The following SIK2 variants were observed in gnomAD, a reference collection of about 807,000 sequenced individuals.
The protein encoded by SIK2 is serine/threonine-protein kinase SIK2.
A neutral mutation model predicts 103.2 loss-of-function variants in SIK2; 29 were observed. The ratio of observed to expected loss-of-function variants is 0.28; its 90% CI spans 0.21 to 0.38. SIK2 has a LOEUF of 0.38. Among genes scored for constraint, SIK2 ranks in the 10% least tolerant of loss-of-function variants. The pLI, the probability that SIK2 is intolerant of heterozygous loss-of-function variation, is 1.00. For synonymous variants in SIK2, 412 were observed against 446.1 expected, an observed-to-expected ratio of 0.92 and a Z score of 0.96; for missense variants, 879 against 1,171.0, an observed-to-expected ratio of 0.75 and a Z score of 3.64.
At chr11:111,622,444 C>T (rs1239432824) in intron 3 of SIK2, among the ~76,000 whole-genome samples, 4 of 151,562 alleles carry the variant, frequency 2.6e-5, no homozygotes, top group Middle Eastern at 3.4e-3. Context: ...TTAGTAGAGA[C>T]GGGGTTTCAC....
At chr11:111,633,453 A>T (rs1009449630) in intron 3 of SIK2, among the ~76,000 whole-genome samples, 19 of 152,170 alleles carry the variant, frequency 1.2e-4, no homozygotes, top group African/African-American at 4.6e-4. Flanking sequence ...GGCCTTGTAG[A>T]CCTTATTTAC....
chr11:111,618,035 C>T (rs971129542), intron 2 of SIK2, among the ~76,000 whole-genome samples: 1 of 152,074 alleles, frequency 6.6e-6, no homozygotes, highest in Non-Finnish European at 1.5e-5. Flanking sequence ...ACTACAAGTG[C>T]ATGACAGTGT....
At chr11:111,638,681 A>G (rs1942141967) in intron 3 of SIK2, among the ~76,000 whole-genome samples, 1 of 152,108 alleles carries the variant, frequency 6.6e-6, no homozygotes, top group Admixed American at 6.5e-5. Context: ...GATAGTAAAC[A>G]TATATATTTA....
chr11:111,714,921 T>C (rs902150893), intron 9 of SIK2, among the ~76,000 whole-genome samples: 1 of 152,218 alleles, frequency 6.6e-6, no homozygotes, highest in African/African-American at 2.4e-5. Flanking sequence ...ATTTTAAAGA[T>C]GTAATTCCCT....
intron 8 of SIK2, 150 bp from the exon 9 acceptor site, chr11:111,712,061 A>G (rs994254731): frequency 1.1e-5 from 9 of 790,156 alleles, no homozygotes; most frequent in South Asian, 1.8e-5. Context: ...TGCACCATGT[A>G]TATATTTCAC....
At chr11:111,622,605 A>G (rs776948831) in intron 3 of SIK2, among the ~76,000 whole-genome samples, 1 of 152,158 alleles carries the variant, frequency 6.6e-6, no homozygotes, top group Non-Finnish European at 1.5e-5. Context: ...CTGGTGATGA[A>G]ATATTTCAGC....
intron 1 of SIK2, among the ~76,000 whole-genome samples, chr11:111,603,714 A>G (rs1342403839): frequency 3.9e-5 from 6 of 151,944 alleles, no homozygotes; most frequent in Non-Finnish European, 7.4e-5. Flanking sequence ...TTAGAATAAA[A>G]CCTAGTGGTT....
At chr11:111,707,465 G>T (rs1243246944) in intron 8 of SIK2, among the ~76,000 whole-genome samples, 1 of 152,102 alleles carries the variant, frequency 6.6e-6, no homozygotes, top group Non-Finnish European at 1.5e-5. Flanking sequence ...TTTACTTTAT[G>T]CATTGACCCA....
intron 7 of SIK2, 35 bp downstream of exon 7, chr11:111,703,458 C>G: frequency 6.3e-7 from 1 of 1,587,764 alleles, no homozygotes; most frequent in Non-Finnish European, 8.6e-7. Flanking sequence ...TTCTACTGCA[C>G]TTAGCTACTT....
At chr11:111,634,607 C>T (rs570565388) in intron 3 of SIK2, among the ~76,000 whole-genome samples, 1 of 152,308 alleles carries the variant, frequency 6.6e-6, no homozygotes, top group South Asian at 2.1e-4. Flanking sequence ...TGCCTCCAGA[C>T]TTGTCCCTCT....
At position 111,727,028 on chromosome 11, in the gene SIK2, A is replaced by G; in HGVS notation, c.*2899A>G. 2 of 1,614,130 alleles carry G rather than the reference A, an allele frequency of 1.2e-6. No individual in the cohort carries two copies. The highest frequency in any genetic ancestry group is 2.2e-5 in the East Asian group (1 of 44,882). On this transcript the variant is annotated 3_prime_UTR_variant, in exon 15 of 15. Transcript: ENST00000304987. ...TTCCCAGCTGGGCAAGTGTGTCTCT[A>G]GTATCTCCACGCAACTGATACACTG...
chr11:111,633,954 C>T (rs986304949), intron 3 of SIK2, among the ~76,000 whole-genome samples: 3 of 152,124 alleles, frequency 2.0e-5, no homozygotes, highest in Non-Finnish European at 4.4e-5. Context: ...TTCACTATTC[C>T]TACATTCTTT....
intron 3 of SIK2, among the ~76,000 whole-genome samples, chr11:111,628,757 A>G (rs1343162216): frequency 6.6e-6 from 1 of 151,910 alleles, no homozygotes; most frequent in Non-Finnish European, 1.5e-5. Context: ...ACTAATTTAA[A>G]CCTACCTTCA....
chr11:111,645,435 A>T (rs1942242377), intron 3 of SIK2, among the ~76,000 whole-genome samples: 1 of 152,234 alleles, frequency 6.6e-6, no homozygotes, highest in Non-Finnish European at 1.5e-5. Flanking sequence ...GAGGGAAGGA[A>T]AGCAGACACA....
At chr11:111,697,772 C>T (rs1202095570) in intron 4 of SIK2, among the ~76,000 whole-genome samples, 1 of 151,862 alleles carries the variant, frequency 6.6e-6, no homozygotes, top group Non-Finnish European at 1.5e-5. Flanking sequence ...AGGAGGGTCA[C>T]TTGAGCCGAG....
chr11:111,719,868 G>A lies in SIK2; in HGVS notation c.1360G>A (p.Glu454Lys), dbSNP rs752159549. 7 of 1,614,154 alleles carry A rather than the reference G, an allele frequency of 4.3e-6. No homozygotes were observed. The Admixed American group carries it at 5.0e-5, about 12-fold the overall frequency. The change falls in exon 10 of 15, where the codon GAA (glutamate) becomes AAA (lysine). Residue 454 changes from glutamate to lysine, a missense_variant. Physicochemically the swap from Glu to Lys is moderately conservative, Grantham distance 56 (BLOSUM62 1). This residue lies in a region of SIK2 where 222 missense variants were observed against 258.0 expected (regional missense o/e 0.86). Transcript: ENST00000304987. ...PSNMMETSID[E>K]GLETEGEAEE... Reference sequence around the variant, plus strand: ...CAACATGATGGAGACCTCCATTGACGAAGGGCTGGAGACAGAAGGAGAGGC... The same window carrying A: ...CAACATGATGGAGACCTCCATTGACAAAGGGCTGGAGACAGAAGGAGAGGC...
chr11:111,612,574 C>A (rs1343493443), intron 1 of SIK2, among the ~76,000 whole-genome samples: 1 of 152,104 alleles, frequency 6.6e-6, no homozygotes, highest in East Asian at 1.9e-4. Flanking sequence ...GTAATAGGCA[C>A]CACTTCCAGC....
intron 9 of SIK2, among the ~76,000 whole-genome samples, chr11:111,714,225 G>A (rs746298256): frequency 6.6e-6 from 1 of 152,220 alleles, no homozygotes; most frequent in Non-Finnish European, 1.5e-5. Context: ...GATGGTCTGA[G>A]GAAAAGGGCA....
intron 3 of SIK2, among the ~76,000 whole-genome samples, chr11:111,656,320 T>A (rs1942391569): frequency 6.6e-6 from 1 of 152,246 alleles, no homozygotes; most frequent in Non-Finnish European, 1.5e-5. Context: ...ATTTCTCTGT[T>A]AATAATGGCT....
Sources: gnomAD v4.1 joint callset for allele counts (sites outside exome capture counted in the v4.1 genomes callset) on GRCh38, gnomAD v4.1.1 for gene constraint, gnomAD v4.1.1 regional missense constraint, MANE v1.5 for transcripts, NCBI Gene and HGNC (gene_info 2026-07-23, HGNC 2026-07-21) for gene names.